Variants in GAS5 observed in about 807,000 individuals in gnomAD.
GAS5 encodes growth arrest specific 5 (non-protein coding).
chr1:173,866,210 TAA>T, intron 3 of GAS5: 4 of 481,822 alleles, frequency 8.3e-6, no homozygotes, highest in South Asian at 6.0e-5. Context: ...CTAATGCCTG[TAA>T]TTTTAATACA....
chr1:173,864,023 G>A (rs942449923), intron 7 of GAS5: 22 of 360,814 alleles, frequency 6.1e-5, no homozygotes, highest in African/African-American at 4.4e-4. Flanking sequence ...AGAAGTTTGA[G>A]GCTGTAGTAA....
chr1:173,866,685 G>T, intron 2 of GAS5: 1 of 765,140 alleles, frequency 1.3e-6, no homozygotes, highest in South Asian at 1.3e-5. Flanking sequence ...TAGCACTCAA[G>T]AGTAGCAAAT....
chr1:173,867,862 C>T (rs1655056919), upstream of GAS5: 1 of 455,540 alleles, frequency 2.2e-6, no homozygotes, highest in Non-Finnish European at 4.5e-6. Context: ...TGCAAAGGCG[C>T]GCGACTGGCT....
At chr1:173,866,020 T>C in intron 4 of GAS5, 1 of 519,206 alleles carries the variant, frequency 1.9e-6, no homozygotes, top group Admixed American at 1.9e-5. Flanking sequence ...TTGCTTATCA[T>C]CATCCAGGCT....
chr1:173,866,596 A>C (rs1250931986), intron 2 of GAS5: 1 of 762,984 alleles, frequency 1.3e-6, no homozygotes, highest in Non-Finnish European at 2.4e-6. Context: ...ATGTGAACTT[A>C]GGTGTACTCT....
At chr1:173,867,128 TTTAAACCAATGA>T, upstream of GAS5, 1 of 606,410 alleles carries the variant, frequency 1.6e-6, no homozygotes, top group East Asian at 2.7e-5. Context: ...GGTTCGTCTT[TTTAAACCAATGA>T]TGCAGGTAAC....
At chr1:173,867,806 C>T (rs549330687), upstream of GAS5, 3 of 518,086 alleles carry the variant, frequency 5.8e-6, no homozygotes, top group East Asian at 1.6e-4. Flanking sequence ...TTAGGTCACG[C>T]ATGCACCATA....
chr1:173,864,060 TGGGTGA>T, intron 7 of GAS5: 1 of 438,608 alleles, frequency 2.3e-6, no homozygotes. Context: ...CACTCTAGCT[TGGGTGA>T]GGCAAGACCC....
intron 7 of GAS5, chr1:173,864,218 T>A (rs1654204655): frequency 1.9e-6 from 1 of 517,902 alleles, no homozygotes; most frequent in Non-Finnish European, 3.9e-6. Context: ...TCATCATGTA[T>A]TCTGCAATTA....
At chr1:173,865,070 A>G in intron 6 of GAS5, 1 of 354,242 alleles carries the variant, frequency 2.8e-6, no homozygotes, top group South Asian at 2.1e-5. Flanking sequence ...ATGGTGTCAC[A>G]TGCCTGTAAT....
At position 173,865,992 on chromosome 1, in the gene GAS5, T is replaced by G. The variant is rs766501603; in HGVS notation, n.162-98A>C. ...TAGTCAGTTAGAGCTAATTAAGACC[T>G]TCATGTTCAGTCAGCATTTGCTTAT... is the stretch of plus-strand genomic sequence containing the variant. On this transcript the variant is annotated intron_variant and non_coding_transcript_variant, in intron 4 of 7. Coordinates refer to ENST00000651080, the Ensembl canonical transcript of GAS5. 5 of 519,236 alleles carry G rather than the reference T, an allele frequency of 9.6e-6. No homozygotes were observed. The Admixed American group carries it at 9.7e-5, about 10-fold the overall frequency. 32.2% of individuals were successfully genotyped at this position (519,236 alleles called of 1,614,324 possible). A position where few individuals can be genotyped will look rare whatever the true frequency, so the allele number is the denominator to read the frequency against.
chr1:173,868,860 A>G (rs576805236), upstream of GAS5: 1 of 153,084 alleles, frequency 6.5e-6, no homozygotes, highest in East Asian at 1.9e-4. Flanking sequence ...TTCCTAACGC[A>G]GAAGAAAGCT....
chr1:173,866,219 T>C (rs1654586186), intron 3 of GAS5: 3 of 484,212 alleles, frequency 6.2e-6, no homozygotes, highest in Admixed American at 4.3e-5. Flanking sequence ...GTAATTTTAA[T>C]ACAAAATTGT....
upstream of GAS5, chr1:173,867,164 T>A (rs1193002619): frequency 1.7e-6 from 1 of 582,868 alleles, no homozygotes; most frequent in African/African-American, 1.9e-5. Context: ...CCATTCATTA[T>A]CTAGCGACAG....
At chr1:173,866,821 A>T (rs1174389201) in intron 1 of GAS5, 1 of 765,246 alleles carries the variant, frequency 1.3e-6, no homozygotes, top group African/African-American at 1.7e-5. Flanking sequence ...GATGCAAGCA[A>T]AACAGTGAGA....
At chr1:173,865,721 T>C in intron 5 of GAS5, 1 of 519,186 alleles carries the variant, frequency 1.9e-6, no homozygotes, top group South Asian at 1.4e-5. Context: ...GGAAAACACA[T>C]AAACACTGTT....
At chr1:173,865,340 T>C (rs1471655255) in intron 6 of GAS5, 1 of 501,936 alleles carries the variant, frequency 2.0e-6, no homozygotes, top group East Asian at 5.5e-5. Context: ...TCTAAAAGAT[T>C]TCCCAACTAC....
chr1:173,867,195 T>C (rs1654866929), upstream of GAS5: 1 of 554,626 alleles, frequency 1.8e-6, no homozygotes, highest in Non-Finnish European at 3.2e-6. Context: ...CACTTAATGT[T>C]ACAAAGAAGC....
intron 4 of GAS5, chr1:173,865,959 A>G: frequency 1.9e-6 from 1 of 519,184 alleles, no homozygotes; most frequent in South Asian, 1.4e-5. Context: ...AAAACTAACA[A>G]ATGCCTTTAG....
Sources: allele counts gnomAD v4.1 joint callset, GRCh38; gene constraint gnomAD v4.1.1; transcripts MANE v1.5; gene names NCBI Gene and HGNC (gene_info 2026-07-23, HGNC 2026-07-21).